PLAAT3: variants seen among roughly 807,000 people sequenced by gnomAD.
PLAAT3 encodes phospholipase A and acyltransferase 3, also known as Ca-independent phospholipase A1/2.
A neutral mutation model predicts 16.7 loss-of-function variants in PLAAT3; 21 were observed. That is an observed-to-expected ratio of 1.26 (90% CI 0.89 to 1.81). The LOEUF (loss-of-function observed/expected upper bound fraction) is 1.81. Ranked by LOEUF, PLAAT3 falls within the 40% of genes most tolerant of loss-of-function variation. PLAAT3 has a pLI of 0.00. For synonymous variants in PLAAT3, 76 were observed against 81.7 expected (o/e 0.93, Z 0.38); for missense variants, 219 against 213.7 (o/e 1.02, Z -0.16).
At chr11:63,594,683 C>T (rs557408358) in intron 3 of PLAAT3, among the ~76,000 whole-genome samples, 46 of 152,080 alleles carry the variant, frequency 3.0e-4, no homozygotes, top group Admixed American at 2.3e-3. Flanking sequence ...AGCGAGGAAC[C>T]GGAGGTGGCC....
At chr11:63,606,462 A>ACACACACACACACACACACACC (rs945885416) in intron 2 of PLAAT3, among the ~76,000 whole-genome samples, 3 of 136,498 alleles carry the variant, frequency 2.2e-5, no homozygotes, top group Admixed American at 7.3e-5. Flanking sequence ...ACACACACAC[A>ACACACACACACACACACACACC]CCTTAGTAAA....
chr11:63,595,603 G>T (rs929352292), intron 3 of PLAAT3, among the ~76,000 whole-genome samples: 1 of 152,082 alleles, frequency 6.6e-6, no homozygotes, highest in Non-Finnish European at 1.5e-5. Context: ...GGCGAGGCGT[G>T]GGGAGGCATA....
At chr11:63,589,762 A>G (rs1938091798) in intron 4 of PLAAT3, among the ~76,000 whole-genome samples, 1 of 152,160 alleles carries the variant, frequency 6.6e-6, no homozygotes, top group African/African-American at 2.4e-5. Flanking sequence ...CAGTTTCCCA[A>G]TCTGTAAGGT....
At chr11:63,598,274 C>A in intron 2 of PLAAT3, 111 bp from the exon 3 acceptor site, 1 of 727,770 alleles carries the variant, frequency 1.4e-6, no homozygotes. Flanking sequence ...CTCAGCAGAA[C>A]ATATGTCCTG....
intron 3 of PLAAT3, among the ~76,000 whole-genome samples, chr11:63,592,169 T>C (rs1183560330): frequency 6.6e-6 from 1 of 152,146 alleles, no homozygotes; most frequent in Admixed American, 6.5e-5. Context: ...GTTCCTTCTT[T>C]TTTTTTTCTT....
chr11:63,604,937 C>T (rs1371987703), intron 2 of PLAAT3, among the ~76,000 whole-genome samples: 1 of 152,056 alleles, frequency 6.6e-6, no homozygotes, highest in Non-Finnish European at 1.5e-5. Flanking sequence ...TAACAATATC[C>T]TAATGGACAT....
chr11:63,608,061 A>G (rs1938611436), intron 2 of PLAAT3, among the ~76,000 whole-genome samples: 1 of 152,204 alleles, frequency 6.6e-6, no homozygotes, highest in African/African-American at 2.4e-5. Flanking sequence ...ACGTGCCTGT[A>G]GTCCCAGCTA....
intron 4 of PLAAT3, among the ~76,000 whole-genome samples, chr11:63,584,648 C>G (rs2851403): frequency 0.67 from 100,975 of 151,372 alleles, 34,273 homozygotes; most frequent in East Asian, 0.94. Context: ...CAAGTAGCTG[C>G]GACTACAGGC....
chr11:63,601,643 A>C (rs1475729940), intron 2 of PLAAT3, among the ~76,000 whole-genome samples: 1 of 152,152 alleles, frequency 6.6e-6, no homozygotes, highest in Non-Finnish European at 1.5e-5. Context: ...AAGTGGAAAA[A>C]TGGGGATGAG....
chr11:63,582,576 C>G (rs1431361235), intron 4 of PLAAT3, among the ~76,000 whole-genome samples: 3 of 152,176 alleles, frequency 2.0e-5, no homozygotes, highest in Non-Finnish European at 4.4e-5. Flanking sequence ...CTCCACTTCC[C>G]TCCCAAAACA....
At chr11:63,602,010 A>G (rs35064355) in intron 2 of PLAAT3, among the ~76,000 whole-genome samples, 1 of 145,640 alleles carries the variant, frequency 6.9e-6, no homozygotes, top group Admixed American at 6.9e-5. Flanking sequence ...AAAGGAGGCC[A>G]GGCACAGTGG....
chr11:63,615,070 A>G (rs867721321), upstream of PLAAT3, among the ~76,000 whole-genome samples: 160 of 49,476 alleles, frequency 3.2e-3, 37 homozygotes, highest in Admixed American at 4.7e-3. Context: ...ATATGTGTGT[A>G]TATATGTGTG....
chr11:63,595,816 T>C (rs991037223), intron 3 of PLAAT3, among the ~76,000 whole-genome samples: 4 of 152,082 alleles, frequency 2.6e-5, no homozygotes, highest in Non-Finnish European at 5.9e-5. Flanking sequence ...TCACAAGAGT[T>C]CTCCAAGTTA....
At chr11:63,591,161 C>T (rs747365095) in intron 3 of PLAAT3, among the ~76,000 whole-genome samples, 9 of 152,060 alleles carry the variant, frequency 5.9e-5, no homozygotes, top group Non-Finnish European at 8.8e-5. Flanking sequence ...GCAGGCAGAT[C>T]GCTTAAGCCC....
intron 2 of PLAAT3, among the ~76,000 whole-genome samples, chr11:63,606,082 C>T (rs1421757812): frequency 6.6e-6 from 1 of 152,094 alleles, no homozygotes; most frequent in Non-Finnish European, 1.5e-5. Flanking sequence ...TGGCAATTCC[C>T]CTCTTCCGCC....
rs372224814 is a variant in PLAAT3, at chr11:63,596,552, C to A, written c.118+1509G>T. On this transcript the variant is annotated intron_variant, in intron 3 of 4. Coordinates refer to ENST00000415826, the MANE Select transcript of PLAAT3 (RefSeq NM_001128203.2). ...GACGATAATGCAGAATCAGTAGGAG[C>A]CCTGAGCTTGTTTTCCTGCAACTAG... is the stretch of plus-strand genomic sequence containing the variant. Among the ~76,000 whole-genome samples the A allele has an allele frequency of 5.3e-5, 8 of 151,548 alleles. No homozygotes were observed. The South Asian group carries it at 6.3e-4, about 12-fold the overall frequency.
chr11:63,609,873 T>C (rs1938651766), intron 2 of PLAAT3, among the ~76,000 whole-genome samples: 1 of 152,192 alleles, frequency 6.6e-6, no homozygotes, highest in African/African-American at 2.4e-5. Context: ...CCTATTCTCC[T>C]ACAGGGCAAA....
intron 4 of PLAAT3, among the ~76,000 whole-genome samples, chr11:63,577,851 CG>C (rs1490355939): frequency 1.3e-5 from 2 of 150,914 alleles, no homozygotes; most frequent in Non-Finnish European, 2.9e-5. Flanking sequence ...AAAATAAAAA[CG>C]GTTCATAGAA....
chr11:63,581,837 C>T (rs760628400), intron 4 of PLAAT3, among the ~76,000 whole-genome samples: 5 of 152,148 alleles, frequency 3.3e-5, no homozygotes, highest in Non-Finnish European at 5.9e-5. Flanking sequence ...CTGGCCAACA[C>T]TTACGGAAAA....
Sources: allele counts gnomAD v4.1 joint callset (sites outside exome capture counted in the v4.1 genomes callset), GRCh38; gene constraint gnomAD v4.1.1; transcripts MANE v1.5; gene names NCBI Gene and HGNC (gene_info 2026-07-23, HGNC 2026-07-21).